The following LRIT3 variants were observed in gnomAD, a reference collection of about 807,000 sequenced individuals.
LRIT3 encodes the protein leucine-rich repeat, immunoglobulin-like domain and transmembrane domain-containing protein 3.
A neutral mutation model predicts 22.6 loss-of-function variants in LRIT3; 14 were observed. That is an observed-to-expected ratio of 0.62 (90% CI 0.41 to 0.97). LRIT3 has a LOEUF of 0.97. LRIT3 is among the 50% of genes least tolerant of loss of function. The pLI, the probability that LRIT3 is intolerant of heterozygous loss-of-function variation, is 0.00. For missense variants in LRIT3, 783 were observed against 803.0 expected, an observed-to-expected ratio of 0.98 and a Z score of 0.30; for synonymous variants, 306 against 304.5, an observed-to-expected ratio of 1.01 and a Z score of -0.05.
intron 2 of LRIT3, among the ~76,000 whole-genome samples, chr4:109,861,178 G>C (rs1734536069): frequency 6.6e-6 from 1 of 152,038 alleles, no homozygotes; most frequent in African/African-American, 2.4e-5. Flanking sequence ...AGACCAGCCT[G>C]GTCAATGTGG....
At chr4:109,869,109 CAAATGA>C (rs1734757046) in intron 3 of LRIT3, among the ~76,000 whole-genome samples, 1 of 152,136 alleles carries the variant, frequency 6.6e-6, no homozygotes, top group African/African-American at 2.4e-5. Context: ...ATTCGGAATA[CAAATGA>C]TGACTCTGCC....
intron 1 of LRIT3, among the ~76,000 whole-genome samples, chr4:109,850,422 CCTTTCTTTCTTTCTTTCTTTCTTT>C (rs1251866042): frequency 3.6e-5 from 2 of 55,088 alleles, no homozygotes; most frequent in African/African-American, 1.5e-4. Flanking sequence ...TTCCTTCCTT[CCTTTCTTTCTTTCTTTCTTTCTTT>C]CTTTCTTTCT....
chr4:109,849,833 A>G (rs34855585), intron 1 of LRIT3, among the ~76,000 whole-genome samples: 6,336 of 152,108 alleles, frequency 0.042, 312 homozygotes, highest in East Asian at 0.12. Flanking sequence ...GGCTGGTCTC[A>G]AACTCCTGAC....
Position 109,870,696 on chromosome 4 carries a change from T to C in LRIT3, c.1947T>C (p.Asp649=). The C allele has an allele frequency of 1.2e-6, 2 of 1,614,164 alleles. No individual in the cohort carries two copies. Among genetic ancestry groups the C allele is most frequent in the Non-Finnish European group, 8.5e-7 (1 of 1,180,018 alleles). The change falls in exon 4 of 4, where the codon GAT becomes GAC. Residue 649 remains aspartate, a synonymous_variant. Coordinates refer to ENST00000594814, the MANE Select transcript of LRIT3 (RefSeq NM_198506.5). The stretch of plus-strand genomic sequence containing the variant: ...AGCTCTGGACACGAAGCCACAGGGA[T>C]GACTCAGAGAAATTGCTGCTTTGTT... ...VGELWTRSHR[D]DSEKLLLCSR... is the part of the protein sequence containing the mutation.
At chr4:109,865,198 T>C (rs1237149554) in intron 2 of LRIT3, 4 of 1,489,094 alleles carry the variant, frequency 2.7e-6, no homozygotes, top group Non-Finnish European at 3.7e-6. Flanking sequence ...GAAAACAGGC[T>C]CAGCAAGGTT....
intron 2 of LRIT3, among the ~76,000 whole-genome samples, chr4:109,856,485 G>A (rs1426578191): frequency 6.6e-6 from 1 of 152,134 alleles, no homozygotes; most frequent in South Asian, 2.1e-4. Context: ...ACCCCTCAGA[G>A]ATACCATCTA....
At chr4:109,850,424 T>C (rs1734207416) in intron 1 of LRIT3, among the ~76,000 whole-genome samples, 1 of 22,366 alleles carries the variant, frequency 4.5e-5, no homozygotes, top group African/African-American at 1.9e-4. Flanking sequence ...CCTTCCTTCC[T>C]TTCTTTCTTT....
rs781287955 is a variant in LRIT3, at chr4:109,867,752, A to G, written c.701A>G (p.Glu234Gly). ...VLLDPLMTCS[E>G]PERLTGILFQ... ...CTGGATCCACTGATGACTTGCAGTG[A>G]ACCTGAGCGCCTCACAGGAATTTTG... The change falls in exon 3 of 4, where the codon GAA (glutamate) becomes GGA (glycine). Residue 234 changes from glutamate (E) to glycine (G), a missense_variant. Glu to Gly is a moderately conservative substitution (Grantham distance 98). Around this residue, in one of 2 missense-constraint regions of LRIT3, gnomAD observed 756 missense variants for 753.8 expected, o/e 1.00. Coordinates refer to ENST00000594814, the MANE Select transcript of LRIT3 (RefSeq NM_198506.5). The G allele has an allele frequency of 6.6e-5, 106 of 1,614,044 alleles. No homozygotes were observed. The South Asian group carries it at 1.1e-3, about 17-fold the overall frequency.
intron 2 of LRIT3, among the ~76,000 whole-genome samples, chr4:109,860,749 G>T (rs574778795): frequency 8.5e-5 from 13 of 152,252 alleles, no homozygotes; most frequent in African/African-American, 3.1e-4. Context: ...ATCACTATAG[G>T]TTAATTGTGC....
At chr4:109,869,102 C>T (rs1040274913) in intron 3 of LRIT3, among the ~76,000 whole-genome samples, 2 of 152,108 alleles carry the variant, frequency 1.3e-5, no homozygotes, top group Non-Finnish European at 2.9e-5. Context: ...ATAAATTATT[C>T]GGAATACAAA....
At chr4:109,864,429 T>C (rs1355514200) in intron 2 of LRIT3, among the ~76,000 whole-genome samples, 1 of 152,236 alleles carries the variant, frequency 6.6e-6, no homozygotes, top group Non-Finnish European at 1.5e-5. Context: ...CTTTGAGATT[T>C]AATTATTTGT....
chr4:109,854,103 G>A (rs548545030), intron 2 of LRIT3, among the ~76,000 whole-genome samples: 20 of 152,072 alleles, frequency 1.3e-4, no homozygotes, highest in African/African-American at 4.1e-4. Flanking sequence ...TAAAGTAGTA[G>A]TTTTTCCTAA....
intron 2 of LRIT3, among the ~76,000 whole-genome samples, chr4:109,864,549 G>T (rs1424402408): frequency 6.6e-6 from 1 of 152,104 alleles, no homozygotes; most frequent in East Asian, 1.9e-4. Context: ...TTTTGTAGAG[G>T]TTATTGGCAC....
rs796664631 is a variant in LRIT3, at chr4:109,852,778, C to T, written c.589+802C>T. Among the ~76,000 whole-genome samples the T allele has an allele frequency of 3.3e-5, 5 of 152,110 alleles. No individual in the cohort carries two copies. In the East Asian group the frequency reaches 9.6e-4, roughly 29 times the overall value. On this transcript the variant is annotated intron_variant, in intron 2 of 3. Coordinates refer to ENST00000594814, the MANE Select transcript of LRIT3 (RefSeq NM_198506.5). ...AACAGGCCCCAGTGTGTGATGTTCCCCTCCCTGTGTCCATGTGTTCTCATT... is the reference window on the plus strand; with the variant it reads ...AACAGGCCCCAGTGTGTGATGTTCCTCTCCCTGTGTCCATGTGTTCTCATT...
Position 109,870,802 on chromosome 4 carries a change from C to G in LRIT3, c.*13C>G. 6.4e-7 allele frequency: 1 copy of G among 1,567,460 alleles called. No homozygotes were observed. The highest frequency in any genetic ancestry group is 8.7e-7 in the Non-Finnish European group (1 of 1,155,368). Reference sequence around the variant, plus strand: ...GTATTATTGCTAAGGTTCTGCAGCTCAGGTGCATGTGAGCTACAAAACTAG... The same window carrying G: ...GTATTATTGCTAAGGTTCTGCAGCTGAGGTGCATGTGAGCTACAAAACTAG... On this transcript the variant is annotated 3_prime_UTR_variant, in exon 4 of 4. Coordinates refer to ENST00000594814, the MANE Select transcript of LRIT3 (RefSeq NM_198506.5).
intron 3 of LRIT3, among the ~76,000 whole-genome samples, chr4:109,869,405 CT>C (rs1734763659): frequency 6.6e-6 from 1 of 152,174 alleles, no homozygotes; most frequent in South Asian, 2.1e-4. Flanking sequence ...GATTCCCAGC[CT>C]TTTGTCTTTT....
chr4:109,850,429 T>C (rs1056611245), intron 1 of LRIT3, among the ~76,000 whole-genome samples: 3 of 84,486 alleles, frequency 3.6e-5, no homozygotes, highest in African/African-American at 1.6e-4. Flanking sequence ...CTTCCTTTCT[T>C]TCTTTCTTTC....
In LRIT3 at chr4:109,870,090, T is replaced by G; in HGVS notation, c.1341T>G (p.Gly447=). 1 of 1,613,824 alleles carries G rather than the reference T, an allele frequency of 6.2e-7. No homozygotes were observed. Residue 447 remains glycine (G), a synonymous_variant, in exon 4 of 4, where the codon GGT becomes GGG. Transcript: ENST00000594814. ...AGCGATCATTCCAGCTCCACCAAGG[T>G]GGGAAAAGAAATTTAAAGGTGGCAA... ...ANKRSFQLHQ[G]GKRNLKVAKN...
chr4:109,868,103 A>G (rs1022459288), intron 3 of LRIT3, among the ~76,000 whole-genome samples, 157 bp downstream of exon 3: 2 of 152,184 alleles, frequency 1.3e-5, no homozygotes, highest in African/African-American at 4.8e-5. Context: ...ATTCATTAGT[A>G]TTCTCCTCAG....
Sources: gnomAD v4.1 joint callset for allele counts (sites outside exome capture counted in the v4.1 genomes callset) on GRCh38, gnomAD v4.1.1 for gene constraint, gnomAD v4.1.1 regional missense constraint, MANE v1.5 for transcripts, NCBI Gene and HGNC (gene_info 2026-07-23, HGNC 2026-07-21) for gene names.